VPS13B: variants seen among roughly 807,000 people sequenced by gnomAD.
VPS13B encodes intermembrane lipid transfer protein VPS13B.
Under a neutral mutation model 426.4 loss-of-function variants are expected in VPS13B, and 285 were observed. The observed-to-expected ratio is 0.67, with a 90% CI of 0.61 to 0.74. VPS13B has a LOEUF of 0.74. Ranked by LOEUF, VPS13B falls within the 30% of genes least tolerant of loss-of-function variation. The pLI is 0.00. For missense variants in VPS13B, 4,537 were observed against 4,782.6 expected (o/e 0.95, Z 1.51); for synonymous variants, 1,676 against 1,676.4 (o/e 1.00, Z 0.01).
At chr8:99,113,572 C>CT (rs902322405) in intron 6 of VPS13B, among the ~76,000 whole-genome samples, 8 of 151,398 alleles carry the variant, frequency 5.3e-5, no homozygotes, top group Admixed American at 1.3e-4. Flanking sequence ...TTCTTTTCTT[C>CT]TTTTTTTTTG....
rs557819041 is a variant in VPS13B at position 99,687,337 on chromosome 8, C to G, written c.6047-12188C>G. ...GGCACAAGCACTCCCTTAGCTGCCC[C>G]ATCTGGTGTCTGACTGGATTGCATG... On this transcript the variant is annotated intron_variant, in intron 35 of 61. Transcript: ENST00000357162. 9.9e-5 allele frequency among the ~76,000 whole-genome samples: 15 copies of G among 152,174 alleles called. No individual in the cohort carries two copies. In the East Asian group the frequency reaches 2.9e-3, roughly 29 times the overall value.
At chr8:99,712,180 G>A (rs1220586926) in intron 36 of VPS13B, among the ~76,000 whole-genome samples, 3 of 152,190 alleles carry the variant, frequency 2.0e-5, no homozygotes, top group Non-Finnish European at 4.4e-5. Context: ...TTTTACGTAT[G>A]TGAAAAGCTC....
chr8:99,737,396 A>G (rs1833888468), intron 39 of VPS13B, among the ~76,000 whole-genome samples: 1 of 151,856 alleles, frequency 6.6e-6, no homozygotes, highest in Non-Finnish European at 1.5e-5. Context: ...ACTTTCACAT[A>G]TGATCAGTGC....
At chr8:99,340,998 C>T in intron 19 of VPS13B, 1 of 263,198 alleles carries the variant, frequency 3.8e-6, no homozygotes, top group Non-Finnish European at 7.9e-6. Flanking sequence ...TGAAAGAAAA[C>T]ACTTAGCTGA....
rs183618961 is a variant in VPS13B, at chr8:99,529,121, G to C, written c.4745+8111G>C. On this transcript the variant is annotated intron_variant, in intron 30 of 61. Coordinates refer to ENST00000357162, the MANE Select transcript of VPS13B (RefSeq NM_152564.5). ...ACATTTACATTTTTTAAAATAAAAA[G>C]ATAATCGTGTTTATTTTTAAAAAAT... is the stretch of plus-strand genomic sequence containing the variant. 2.6e-3 allele frequency among the ~76,000 whole-genome samples: 402 copies of C among 151,882 alleles called. 7 individuals are homozygous for C. The highest frequency in any genetic ancestry group is 2.5e-3 in the Non-Finnish European group (168 of 67,904).
chr8:99,133,608 A>AG (rs1405995994), intron 8 of VPS13B, among the ~76,000 whole-genome samples: 1 of 152,188 alleles, frequency 6.6e-6, no homozygotes, highest in Non-Finnish European at 1.5e-5. Context: ...AGTGAGAGAC[A>AG]GGGACTCTTC....
At chr8:99,493,235 T>C (rs1005616256) in intron 25 of VPS13B, among the ~76,000 whole-genome samples, 8 of 152,220 alleles carry the variant, frequency 5.3e-5, no homozygotes, top group Non-Finnish European at 1.2e-4. Context: ...TGTTGAATTC[T>C]ATATTTTTTT....
At position 99,662,255 on chromosome 8, in the gene VPS13B, T is replaced by G. The variant is rs187389035; in HGVS notation, c.6046+764T>G. Among the ~76,000 whole-genome samples, 347 of 152,174 alleles carry G rather than the reference T, an allele frequency of 2.3e-3. 3 individuals are homozygous for G. Among genetic ancestry groups the G allele is most frequent in the Non-Finnish European group, 4.2e-3 (283 of 67,996 alleles). ...TTCCTCGATCTTCCTCCTCTGTCTT[T>G]TCTTCCTTCATCTCATGTTCTTCCC... On this transcript the variant is annotated intron_variant, in intron 35 of 61. Coordinates refer to ENST00000357162, the MANE Select transcript of VPS13B (RefSeq NM_152564.5).
intron 33 of VPS13B, among the ~76,000 whole-genome samples, chr8:99,628,882 A>G (rs1185864612): frequency 6.6e-6 from 1 of 152,014 alleles, no homozygotes; most frequent in Non-Finnish European, 1.5e-5. Flanking sequence ...AGCTCAAGCT[A>G]TCCTCCCAAG....
At chr8:99,533,657 C>T (rs1823048142) in intron 30 of VPS13B, among the ~76,000 whole-genome samples, 1 of 152,160 alleles carries the variant, frequency 6.6e-6, no homozygotes, top group Admixed American at 6.5e-5. Context: ...AGCTTAACAT[C>T]ATTAACAATT....
chr8:99,713,879 C>T (rs1057382938), intron 36 of VPS13B, among the ~76,000 whole-genome samples: 7 of 152,158 alleles, frequency 4.6e-5, no homozygotes, highest in Non-Finnish European at 1.0e-4. Flanking sequence ...GTGGCTCACG[C>T]CTGTAATCCC....
chr8:99,171,798 A>C (rs1164710649), intron 16 of VPS13B, among the ~76,000 whole-genome samples: 2 of 152,124 alleles, frequency 1.3e-5, no homozygotes, highest in Non-Finnish European at 2.9e-5. Flanking sequence ...GTAAAAAAAA[A>C]CTTTAGTAAC....
intron 33 of VPS13B, among the ~76,000 whole-genome samples, chr8:99,594,791 A>G (rs1284814134): frequency 6.6e-6 from 1 of 151,898 alleles, no homozygotes; most frequent in Non-Finnish European, 1.5e-5. Context: ...GGTTTTTTTC[A>G]GGTGGCAGAC....
At chr8:99,846,497 T>C (rs1012890644) in intron 54 of VPS13B, among the ~76,000 whole-genome samples, 3 of 152,246 alleles carry the variant, frequency 2.0e-5, no homozygotes, top group African/African-American at 7.2e-5. Flanking sequence ...AGATGCCTAA[T>C]TCCTGTATCA....
At chr8:99,195,230 T>C (rs1446305380) in intron 17 of VPS13B, among the ~76,000 whole-genome samples, 1 of 152,208 alleles carries the variant, frequency 6.6e-6, no homozygotes, top group Non-Finnish European at 1.5e-5. Context: ...TTCTAACAGG[T>C]ATGTGGTTAT....
intron 36 of VPS13B, among the ~76,000 whole-genome samples, chr8:99,705,725 A>G (rs1832472222): frequency 6.6e-6 from 1 of 152,108 alleles, no homozygotes; most frequent in Non-Finnish European, 1.5e-5. Flanking sequence ...AATGTTGTTT[A>G]TGTACATTTT....
intron 3 of VPS13B, among the ~76,000 whole-genome samples, chr8:99,064,169 G>GAAAATTCTA (rs1284608718): frequency 6.6e-6 from 1 of 152,306 alleles, no homozygotes; most frequent in East Asian, 1.9e-4. Flanking sequence ...GCAGAAAGCT[G>GAAAATTCTA]AAAATTCTAA....
At chr8:99,731,937 A>G (rs1243352513) in intron 39 of VPS13B, among the ~76,000 whole-genome samples, 1 of 152,188 alleles carries the variant, frequency 6.6e-6, no homozygotes, top group Non-Finnish European at 1.5e-5. Context: ...CTATCCCCCT[A>G]TTACAATGAA....
intron 19 of VPS13B, among the ~76,000 whole-genome samples, chr8:99,360,968 C>T (rs577828388): frequency 2.0e-5 from 3 of 152,182 alleles, no homozygotes; most frequent in Admixed American, 1.3e-4. Context: ...ACTCTCAATC[C>T]GTTCTTTTCT....
Sources: gnomAD v4.1 joint callset for allele counts (sites outside exome capture counted in the v4.1 genomes callset) on GRCh38, gnomAD v4.1.1 for gene constraint, MANE v1.5 for transcripts, NCBI Gene and HGNC (gene_info 2026-07-23, HGNC 2026-07-21) for gene names.